UVRAG: variants seen among roughly 807,000 people sequenced by gnomAD.
UVRAG encodes UV radiation resistance-associated gene protein.
In UVRAG, 19 loss-of-function variants were observed where a neutral mutation model predicts 78.0. The observed-to-expected ratio is 0.24, with a 90% confidence interval of 0.17 to 0.36. UVRAG has a LOEUF of 0.36. Ranked by LOEUF, UVRAG falls within the 10% of genes least tolerant of loss-of-function variation. The pLI is 1.00. For missense variants in UVRAG, 740 were observed against 853.8 expected, an observed-to-expected ratio of 0.87 and a Z score of 1.66; for synonymous variants, 323 against 324.6, an observed-to-expected ratio of 1.00 and a Z score of 0.05.
intron 7 of UVRAG, among the ~76,000 whole-genome samples, chr11:75,980,295 A>G (rs1949364035): frequency 6.6e-6 from 1 of 152,060 alleles, no homozygotes; most frequent in African/African-American, 2.4e-5. Context: ...CTGAGTAGCT[A>G]GGACTATAGG....
intron 3 of UVRAG, among the ~76,000 whole-genome samples, chr11:75,863,179 A>G (rs1488411318): frequency 6.6e-6 from 1 of 152,234 alleles, no homozygotes; most frequent in East Asian, 1.9e-4. Context: ...CAGTTCCTTG[A>G]GTCCATCTCT....
intron 13 of UVRAG, among the ~76,000 whole-genome samples, chr11:76,085,920 C>T (rs191106641): frequency 1.3e-5 from 2 of 152,076 alleles, no homozygotes; most frequent in African/African-American, 2.4e-5. Flanking sequence ...TGTCAGACAC[C>T]CCATGCCTGC....
At chr11:75,952,102 AAC>A (rs1948713079) in intron 6 of UVRAG, among the ~76,000 whole-genome samples, 1 of 152,190 alleles carries the variant, frequency 6.6e-6, no homozygotes, top group Non-Finnish European at 1.5e-5. Context: ...ATTAAATAGA[AAC>A]ACTGATTGAT....
At chr11:75,977,713 C>T (rs1271991957) in intron 7 of UVRAG, among the ~76,000 whole-genome samples, 1 of 151,938 alleles carries the variant, frequency 6.6e-6, no homozygotes, top group Admixed American at 6.6e-5. Context: ...TTTGTGTTTT[C>T]CATTTGCTTG....
chr11:75,860,630 G>A (rs1946397407), intron 2 of UVRAG, among the ~76,000 whole-genome samples: 1 of 152,046 alleles, frequency 6.6e-6, no homozygotes, highest in Non-Finnish European at 1.5e-5. Flanking sequence ...AACCATTTGA[G>A]GATAAAATGA....
At chr11:76,036,865 T>C (rs1035948815) in intron 12 of UVRAG, among the ~76,000 whole-genome samples, 1 of 151,694 alleles carries the variant, frequency 6.6e-6, no homozygotes, top group East Asian at 1.9e-4. Flanking sequence ...TAGAAAAAAA[T>C]ATAAAATAAC....
At chr11:76,078,631 C>T (rs1009111857) in intron 13 of UVRAG, among the ~76,000 whole-genome samples, 1 of 151,322 alleles carries the variant, frequency 6.6e-6, no homozygotes, top group South Asian at 2.1e-4. Flanking sequence ...AGACCGGGTG[C>T]GGTGGCTCAC....
intron 8 of UVRAG, among the ~76,000 whole-genome samples, chr11:75,985,846 A>T (rs1415228883): frequency 1.3e-5 from 2 of 152,100 alleles, no homozygotes; most frequent in Non-Finnish European, 2.9e-5. Context: ...TTTGCTTGTA[A>T]GTCTGTTAAG....
rs1946902033 is a variant in UVRAG, at chr11:75,880,009, G to T, written c.401G>T (p.Cys134Phe). ...IYQLLIEWKV[C>F]LDGLKYLGQQ... ...CAGCTGTTGATTGAATGGAAAGTCT[G>T]TTTGGATGGGCTGAAATACTTGGGT... Residue 134 changes from cysteine (C) to phenylalanine (F), a missense_variant, in exon 4 of 15, where the codon TGT becomes TTT. Cys to Phe is a radical substitution (Grantham distance 205, BLOSUM62 -2). Coordinates refer to ENST00000356136, the MANE Select transcript of UVRAG (RefSeq NM_003369.4). The T allele has an allele frequency of 6.2e-7, 1 of 1,614,168 alleles. No homozygotes were observed. Among genetic ancestry groups the T allele is most frequent in the East Asian group, 2.2e-5 (1 of 44,878 alleles).
intron 13 of UVRAG, among the ~76,000 whole-genome samples, chr11:76,088,047 A>G (rs1449523738): frequency 6.6e-6 from 1 of 152,166 alleles, no homozygotes; most frequent in Non-Finnish European, 1.5e-5. Context: ...GACTACAGGC[A>G]TATGCCACCA....
At chr11:76,114,120 T>A (rs1260981798) in intron 13 of UVRAG, among the ~76,000 whole-genome samples, 3 of 152,104 alleles carry the variant, frequency 2.0e-5, no homozygotes, top group Non-Finnish European at 4.4e-5. Context: ...GAATCACAGG[T>A]AAAATTTCCA....
intron 1 of UVRAG, among the ~76,000 whole-genome samples, chr11:75,828,797 A>ATT (rs1333870067): frequency 8.4e-5 from 8 of 95,556 alleles, no homozygotes; most frequent in Non-Finnish European, 1.5e-4. Context: ...ATATATATAT[A>ATT]TATATATATT....
intron 13 of UVRAG, among the ~76,000 whole-genome samples, chr11:76,099,803 A>G (rs1338401043): frequency 1.3e-5 from 2 of 151,862 alleles, no homozygotes; most frequent in Non-Finnish European, 2.9e-5. Context: ...TTGTTTTTCA[A>G]TTTTGTATTG....
chr11:76,016,569 G>T (rs377662402), intron 11 of UVRAG, among the ~76,000 whole-genome samples: 3 of 151,990 alleles, frequency 2.0e-5, no homozygotes, highest in East Asian at 1.9e-4. Context: ...TTGCTTTAAG[G>T]TATATATCAA....
intron 6 of UVRAG, among the ~76,000 whole-genome samples, chr11:75,933,814 T>C (rs925868003): frequency 2.0e-5 from 3 of 152,342 alleles, no homozygotes; most frequent in Admixed American, 6.5e-5. Context: ...TATCTCACGC[T>C]AGTTAAACTG....
Position 75,892,332 on chromosome 11 carries a change from C to T in UVRAG, c.507+3429C>T, listed in dbSNP as rs1398605277. 3.0e-6 allele frequency: 3 copies of T among 985,292 alleles called. No homozygotes were observed. The African/African-American group carries it at 5.2e-5, about 17-fold the overall frequency. 61.0% of individuals were successfully genotyped at this position (985,292 alleles called of 1,614,324 possible). On this transcript the variant is annotated intron_variant, in intron 5 of 14. Transcript: ENST00000356136. ...GAAACTGCAGATGCTCCTTTCATGA[C>T]CTTTTCTCCTGAGAAATGGAGTGGG...
At chr11:76,075,448 T>TA (rs1184482371) in intron 13 of UVRAG, among the ~76,000 whole-genome samples, 1 of 151,708 alleles carries the variant, frequency 6.6e-6, no homozygotes, top group African/African-American at 2.4e-5. Context: ...CTGTCTCTAC[T>TA]AAAAAAATAC....
At chr11:76,024,934 T>C (rs1950302322) in intron 12 of UVRAG, among the ~76,000 whole-genome samples, 2 of 152,172 alleles carry the variant, frequency 1.3e-5, no homozygotes, top group South Asian at 4.1e-4. Flanking sequence ...TTATAATTAA[T>C]GTAATGGCCC....
At chr11:76,119,475 G>A (rs969939079) in intron 14 of UVRAG, among the ~76,000 whole-genome samples, 1 of 152,032 alleles carries the variant, frequency 6.6e-6, no homozygotes, top group African/African-American at 2.4e-5. Flanking sequence ...GATAGCCAGG[G>A]GCCTACTTGA....
Sources: allele counts gnomAD v4.1 joint callset (sites outside exome capture counted in the v4.1 genomes callset), GRCh38; gene constraint gnomAD v4.1.1; transcripts MANE v1.5; gene names NCBI Gene and HGNC (gene_info 2026-07-23, HGNC 2026-07-21).